Variants in PLRG1 observed in about 807,000 individuals in gnomAD.
PLRG1 encodes pleiotropic regulator 1.
In PLRG1, 28 loss-of-function variants were observed where a neutral mutation model predicts 74.9. That is an observed-to-expected ratio of 0.37 (90% CI 0.28 to 0.51). The LOEUF (loss-of-function observed/expected upper bound fraction) is 0.51. PLRG1 is among the 20% of genes least tolerant of loss of function. PLRG1 has a pLI of 0.91. For synonymous variants in PLRG1, 197 were observed against 212.4 expected, an observed-to-expected ratio of 0.93 and a Z score of 0.63; for missense variants, 445 against 631.9, an observed-to-expected ratio of 0.70 and a Z score of 3.17.
Position 154,542,292 on chromosome 4 carries a change from A to C in PLRG1, c.595-13T>G, listed in dbSNP as rs759540546. The C allele has an allele frequency of 6.4e-7, 1 of 1,560,082 alleles. No individual in the cohort carries two copies. Among genetic ancestry groups the C allele is most frequent in the East Asian group, 2.2e-5 (1 of 44,568 alleles). On this transcript the variant is annotated splice_polypyrimidine_tract_variant and intron_variant, in intron 7 of 14. Coordinates refer to ENST00000499023, the MANE Select transcript of PLRG1 (RefSeq NM_002669.4). ...GCCCACTGATAACCTGTATAAAACA[A>C]AGTAGAATGGGCAGGCCAACGTAGA...
At position 154,545,869 on chromosome 4, in the gene PLRG1, A is replaced by G; in HGVS notation, c.459T>C (p.Ala153=). The G allele has an allele frequency of 6.2e-7, 1 of 1,612,712 alleles. No homozygotes were observed. The highest frequency in any genetic ancestry group is 2.2e-5 in the East Asian group (1 of 44,864). Reference sequence around the variant, plus strand: ...TCGCTGTAGGCTGTGGACGGTCAGAAGCCCCAGGATGTCGGTATTCACTTC... The same window carrying G: ...TCGCTGTAGGCTGTGGACGGTCAGAGGCCCCAGGATGTCGGTATTCACTTC... ...PSGSEYRHPG[A]SDRPQPTAMN... Residue 153 remains alanine, a synonymous_variant, in exon 6 of 15, where the codon GCT becomes GCC. Transcript: ENST00000499023.
chr4:154,544,304 C>T, intron 7 of PLRG1, 141 bp downstream of exon 7: 1 of 601,122 alleles, frequency 1.7e-6, no homozygotes, highest in Non-Finnish European at 3.0e-6. Context: ...AAGATACTCC[C>T]TACGACTCTT....
Position 154,542,268 on chromosome 4 carries a change from C to T in PLRG1, c.606G>A (p.Gly202=). The T allele has an allele frequency of 6.2e-7, 1 of 1,609,582 alleles. No homozygotes were observed. Among genetic ancestry groups the T allele is most frequent in the Non-Finnish European group, 8.5e-7 (1 of 1,175,972 alleles). Residue 202 remains glycine (G), a synonymous_variant, in exon 8 of 15, where the codon GGG becomes GGA. Transcript: ENST00000499023. ...CAATACATCGAACCCAGCCAAGATG[C>T]CCACTGATAACCTGTATAAAACAAA... The part of the protein sequence containing the change: ...PPWKLYRVIS[G]HLGWVRCIAV...
chr4:154,540,733 A>C, intron 9 of PLRG1, 38 bp from the exon 10 acceptor site: 1 of 1,608,240 alleles, frequency 6.2e-7, no homozygotes, highest in Non-Finnish European at 8.5e-7. Flanking sequence ...TTCTAGAATT[A>C]GAAAGATAAA....
At chr4:154,539,243 A>T (rs777247206) in intron 11 of PLRG1, 30 bp from the exon 12 acceptor site, 1 of 1,224,016 alleles carries the variant, frequency 8.2e-7, no homozygotes, top group African/African-American at 1.5e-5. Context: ...ATCCCTCAAA[A>T]CATAGACCAG....
rs540944496 is a variant in PLRG1 at position 154,539,086 on chromosome 4, ATT to A, written c.1151+17_1151+18del. ...AGAACTGAAGAAAAACAAGAAGCTA[ATT>A]AGGAAAATACACTTACTGTCTTGGA... On this transcript the variant is annotated intron_variant, in intron 12 of 14. Transcript: ENST00000499023. 4.8e-4 allele frequency: 650 copies of A among 1,349,266 alleles called. 4 individuals carry two copies. The African/African-American group carries it at 7.9e-3, about 16-fold the overall frequency. 83.6% of individuals were successfully genotyped at this position (1,349,266 alleles called of 1,614,324 possible). A position where few individuals can be genotyped will look rare whatever the true frequency, so the allele number is the denominator to read the frequency against.
chr4:154,542,675 T>C (rs1252285768), intron 7 of PLRG1, among the ~76,000 whole-genome samples: 1 of 152,156 alleles, frequency 6.6e-6, no homozygotes, highest in Non-Finnish European at 1.5e-5. Context: ...ATGTGGTACA[T>C]ACACACAATG....
rs1729430501 is a variant in PLRG1, at chr4:154,535,521, G to A, written c.*1164C>T. On this transcript the variant is annotated 3_prime_UTR_variant, in exon 15 of 15. Coordinates refer to ENST00000499023, the MANE Select transcript of PLRG1 (RefSeq NM_002669.4). ...ACCTATGGCATACAAGATGGGTAAT[G>A]TAATTGGAAGTGCTTGTTCAAAATC... is the stretch of plus-strand genomic sequence containing the variant. 1.3e-5 allele frequency: 2 copies of A among 150,624 alleles called. No individual in the cohort carries two copies. Among genetic ancestry groups the A allele is most frequent in the South Asian group, 4.2e-4 (2 of 4,716 alleles). 9.3% of individuals were successfully genotyped at this position (150,624 alleles called of 1,614,324 possible).
chr4:154,536,270 C>T lies in PLRG1; in HGVS notation c.*415G>A, dbSNP rs1034715297. 1 of 163,836 alleles carries T rather than the reference C, an allele frequency of 6.1e-6. No homozygotes were observed. The highest frequency in any genetic ancestry group is 1.3e-5 in the Non-Finnish European group (1 of 77,106). 10.1% of individuals were successfully genotyped at this position (163,836 alleles called of 1,614,324 possible). On this transcript the variant is annotated 3_prime_UTR_variant, in exon 15 of 15. Transcript: ENST00000499023. ...AATAAACATACATAAATTAAGACTT[C>T]AAATCTTTTAATCTCAAATTATTAG...
chr4:154,540,237 G>GC (rs1729531255), intron 10 of PLRG1, 184 bp from the exon 11 acceptor site: 2 of 583,400 alleles, frequency 3.4e-6, no homozygotes, highest in Non-Finnish European at 3.0e-6. Context: ...GAGACAACTT[G>GC]CAAGAATTCT....
chr4:154,547,824 C>T lies in PLRG1; in HGVS notation c.146G>A (p.Arg49His), dbSNP rs1391894726. 5.0e-6 allele frequency: 8 copies of T among 1,609,138 alleles called. No individual in the cohort carries two copies. The highest frequency in any genetic ancestry group is 2.7e-5 in the African/African-American group (2 of 74,836). Residue 49 changes from arginine (R) to histidine (H), a missense_variant, in exon 3 of 15, where the codon CGT (arginine) becomes CAT (histidine). This residue lies in a region of PLRG1 where 206 missense variants were observed against 210.8 expected (regional missense o/e 0.98). Transcript: ENST00000499023. ...ATGCAACACAGGACCATACTCATTA[C>T]GAAGCTTGATTGCCATTTTTCGTTT... ...SHKRKMAIKL[R>H]NEYGPVLHMP...
At position 154,537,438 on chromosome 4, in the gene PLRG1, A is replaced by G; in HGVS notation, c.1333T>C (p.Tyr445His). The change falls in exon 14 of 15, where the codon TAC becomes CAC. Residue 445 changes from tyrosine (Y) to histidine (H), a missense_variant. By Grantham distance (83) the Tyr-to-His change is moderately conservative. Transcript: ENST00000499023. ...GCTGCGTGAACTCTCTGAAAATTGT[A>G]GCCAGTTCTCCAGTCCCAAAGATGC... Reference protein sequence around the residue: ...TMHLWDWRTGYNFQRVHAAVQ... With the variant: ...TMHLWDWRTGHNFQRVHAAVQ... 1 of 1,613,350 alleles carries G rather than the reference A, an allele frequency of 6.2e-7. No individual in the cohort carries two copies. The highest frequency in any genetic ancestry group is 2.2e-5 in the East Asian group (1 of 44,868).
Position 154,542,299 on chromosome 4 carries a change from A to C in PLRG1, c.595-20T>G, listed in dbSNP as rs906563060. On this transcript the variant is annotated intron_variant, in intron 7 of 14. Coordinates refer to ENST00000499023, the MANE Select transcript of PLRG1 (RefSeq NM_002669.4). ...GATAACCTGTATAAAACAAAGTAGA[A>C]TGGGCAGGCCAACGTAGAAGTTAAA... The C allele has an allele frequency of 1.4e-6, 2 of 1,481,304 alleles. No homozygotes were observed. The highest frequency in any genetic ancestry group is 1.9e-6 in the Non-Finnish European group (2 of 1,058,772). 91.8% of individuals were successfully genotyped at this position (1,481,304 alleles called of 1,614,324 possible).
chr4:154,540,661 A>G lies in PLRG1; in HGVS notation c.872T>C (p.Val291Ala), dbSNP rs148811224. ...IRHYHGHLSAVYGLDLHPTID... is the reference protein window; with the variant it reads ...IRHYHGHLSAAYGLDLHPTID... ...TGTCGGGTGCAAATCCAAACCATAC[A>G]CTGCACTTAAATGTCCATGATAATG... The change falls in exon 10 of 15, where the codon GTG (valine) becomes GCG (alanine). Residue 291 changes from valine (V) to alanine (A), a missense_variant. Physicochemically the swap from Val to Ala is moderately conservative, Grantham distance 64. Coordinates refer to ENST00000499023, the MANE Select transcript of PLRG1 (RefSeq NM_002669.4). 5.0e-6 allele frequency: 8 copies of G among 1,613,588 alleles called. No individual in the cohort carries two copies. The African/African-American group carries it at 1.1e-4, about 22-fold the overall frequency.
chr4:154,542,455 G>T (rs1362735448), intron 7 of PLRG1, among the ~76,000 whole-genome samples, 176 bp from the exon 8 acceptor site: 1 of 152,042 alleles, frequency 6.6e-6, no homozygotes. Flanking sequence ...CACAAATTGT[G>T]GCTCATCTAT....
intron 5 of PLRG1, 96 bp from the exon 6 acceptor site, chr4:154,546,019 G>C (rs1729645857): frequency 9.1e-7 from 1 of 1,096,486 alleles, no homozygotes; most frequent in Non-Finnish European, 1.3e-6. Context: ...ATAAAGTCCT[G>C]ATAAAGGAAA....
At chr4:154,537,503 A>C in intron 13 of PLRG1, 24 bp from the exon 14 acceptor site, 1 of 1,563,072 alleles carries the variant, frequency 6.4e-7, no homozygotes, top group Non-Finnish European at 8.8e-7. Flanking sequence ...ATCTAGTTAC[A>C]CCTGGTATCC....
Position 154,547,065 on chromosome 4 carries a change from C to A in PLRG1, c.260-1G>T. Reference sequence around the variant, plus strand: ...GCCACAAAGTATTCAACTTCTTGTCCTAAAAAAACACAAAAAAAATCAACA... The same window carrying A: ...GCCACAAAGTATTCAACTTCTTGTCATAAAAAAACACAAAAAAAATCAACA... On this transcript the variant is annotated splice_acceptor_variant, in intron 3 of 14. Transcript: ENST00000499023. LOFTEE classifies it high-confidence loss of function. 1 of 1,610,324 alleles carries A rather than the reference C, an allele frequency of 6.2e-7. No homozygotes were observed. Among genetic ancestry groups the A allele is most frequent in the Non-Finnish European group, 8.5e-7 (1 of 1,176,818 alleles).
At chr4:154,544,661 G>A (rs1318340231) in intron 6 of PLRG1, 115 bp from the exon 7 acceptor site, 5 of 619,302 alleles carry the variant, frequency 8.1e-6, no homozygotes, top group Non-Finnish European at 1.4e-5. Flanking sequence ...TTCCATAAAT[G>A]AAGAAATACA....
Sources: gnomAD v4.1 joint callset for allele counts (sites outside exome capture counted in the v4.1 genomes callset) on GRCh38, gnomAD v4.1.1 for gene constraint, gnomAD v4.1.1 regional missense constraint, MANE v1.5 for transcripts, NCBI Gene and HGNC (gene_info 2026-07-23, HGNC 2026-07-21) for gene names.